MYO1E: variants seen among roughly 807,000 people sequenced by gnomAD.
MYO1E encodes the protein unconventional myosin-Ie.
MYO1E carries 68 observed loss-of-function variants against 151.1 expected under a neutral mutation model. The ratio of observed to expected loss-of-function variants is 0.45; its 90% CI spans 0.37 to 0.55. The LOEUF is 0.55. Among genes scored for constraint, MYO1E ranks in the 20% least tolerant of loss-of-function variants. The pLI, the probability that MYO1E is intolerant of heterozygous loss-of-function variation, is 0.00. For missense variants in MYO1E, 1,363 were observed against 1,389.3 expected (o/e 0.98, Z 0.30); for synonymous variants, 601 against 501.7 (o/e 1.20, Z -2.64).
intron 1 of MYO1E, among the ~76,000 whole-genome samples, chr15:59,318,886 T>C (rs1361217894): frequency 1.3e-5 from 2 of 152,102 alleles, no homozygotes; most frequent in Non-Finnish European, 2.9e-5. Context: ...CAGGTCTATC[T>C]GACTTCCTGT....
chr15:59,242,220 G>A (rs1205284345), intron 4 of MYO1E, among the ~76,000 whole-genome samples: 1 of 152,136 alleles, frequency 6.6e-6, no homozygotes, highest in Non-Finnish European at 1.5e-5. Flanking sequence ...CACACTTTTT[G>A]TTGGTCTCTG....
intron 4 of MYO1E, among the ~76,000 whole-genome samples, chr15:59,253,362 AT>A (rs1348171042): frequency 6.6e-6 from 1 of 152,190 alleles, no homozygotes; most frequent in African/African-American, 2.4e-5. Flanking sequence ...CTCTGAAATG[AT>A]TTATAACAGA....
intron 1 of MYO1E, among the ~76,000 whole-genome samples, chr15:59,342,343 A>AT (rs567068526): frequency 1.3e-5 from 2 of 152,024 alleles, no homozygotes; most frequent in South Asian, 4.2e-4. Flanking sequence ...CATTTTGTTG[A>AT]TTTTTTCTTT....
intron 17 of MYO1E, among the ~76,000 whole-genome samples, chr15:59,189,443 A>G (rs2079719731): frequency 6.6e-6 from 1 of 151,292 alleles, no homozygotes. Context: ...CTTTCGAGAC[A>G]GAGTCTCGCT....
chr15:59,275,230 C>G (rs963026831), intron 1 of MYO1E, among the ~76,000 whole-genome samples: 1 of 152,224 alleles, frequency 6.6e-6, no homozygotes, highest in African/African-American at 2.4e-5. Flanking sequence ...AATGGAATGA[C>G]AGACTGTCTC....
In MYO1E at chr15:59,135,737, G is replaced by GGACTT. The variant is rs1242436917; in HGVS notation, c.*1638_*1642dup. On this transcript the variant is annotated 3_prime_UTR_variant, in exon 28 of 28. Transcript: ENST00000288235. ...GTAAGCCCTGATAATTTTTTCCCAT[G>GGACTT]GACTTGAGGATCCTGAAAGCCTCAA... The GGACTT allele has an allele frequency of 1.3e-5, 2 of 151,968 alleles. No homozygotes were observed. Among genetic ancestry groups the GGACTT allele is most frequent in the African/African-American group, 4.8e-5 (2 of 41,358 alleles). The allele number at this position is 151,968 out of a possible 1,614,324, so 9.4% of individuals were successfully genotyped here. A position where few individuals can be genotyped will look rare whatever the true frequency, so the allele number is the denominator to read the frequency against.
At chr15:59,238,159 A>T (rs1200634155) in intron 4 of MYO1E, among the ~76,000 whole-genome samples, 1 of 152,214 alleles carries the variant, frequency 6.6e-6, no homozygotes, top group Non-Finnish European at 1.5e-5. Context: ...ACTCACAGGC[A>T]GCAACTAGGT....
At chr15:59,328,863 T>C (rs1167060305) in intron 1 of MYO1E, among the ~76,000 whole-genome samples, 1 of 152,154 alleles carries the variant, frequency 6.6e-6, no homozygotes, top group Admixed American at 6.5e-5. Flanking sequence ...GGCAGGGGTG[T>C]GTTACCCTCT....
At chr15:59,322,792 C>G (rs1341669277) in intron 1 of MYO1E, among the ~76,000 whole-genome samples, 3 of 152,048 alleles carry the variant, frequency 2.0e-5, no homozygotes, top group African/African-American at 4.8e-5. Flanking sequence ...ATATCTTAAA[C>G]CAGAATATGT....
In MYO1E at chr15:59,153,752, G is replaced by A. The variant is rs2079495011; in HGVS notation, c.2918C>T (p.Pro973Leu). Residue 973 changes from proline to leucine, a missense_variant, in exon 26 of 28, where the codon CCA (proline) becomes CTA (leucine). Coordinates refer to ENST00000288235, the MANE Select transcript of MYO1E (RefSeq NM_004998.4). ...CTGGCTTCCAGGAGCATGGGGATAT[G>A]GCACATACTGGTTTCTGATGACTCC... ...QNGVIRNQYVPYPHAPGSQRS... is the reference protein window; with the variant it reads ...QNGVIRNQYVLYPHAPGSQRS... 6.2e-7 allele frequency: 1 copy of A among 1,613,986 alleles called. No individual in the cohort carries two copies. Among genetic ancestry groups the A allele is most frequent in the African/African-American group, 1.3e-5 (1 of 74,934 alleles).
Position 59,161,202 on chromosome 15 carries a change from A to C in MYO1E, c.2656T>G (p.Trp886Gly). 6.2e-7 allele frequency: 1 copy of C among 1,613,932 alleles called. No individual in the cohort carries two copies. Among genetic ancestry groups the C allele is most frequent in the Non-Finnish European group, 8.5e-7 (1 of 1,179,874 alleles). ...GAGCCCCCTGCACTCCAGGGGCCCCAGTTTTCCTTTTTCAACTTCAGTTCA... is the reference window on the plus strand; with the variant it reads ...GAGCCCCCTGCACTCCAGGGGCCCCCGTTTTCCTTTTTCAACTTCAGTTCA... ...TLELKLKKENWGPWSAGGSRQ... is the reference protein window; with the variant it reads ...TLELKLKKENGGPWSAGGSRQ... Residue 886 changes from tryptophan to glycine, a missense_variant, in exon 24 of 28, where the codon TGG becomes GGG. Transcript: ENST00000288235.
At chr15:59,323,192 G>A (rs1055999415) in intron 1 of MYO1E, among the ~76,000 whole-genome samples, 3 of 143,978 alleles carry the variant, frequency 2.1e-5, no homozygotes, top group Non-Finnish European at 3.0e-5. Context: ...AAAAAAAAAG[G>A]TGCCTTTTGA....
intron 1 of MYO1E, among the ~76,000 whole-genome samples, chr15:59,314,923 G>C (rs1178124692): frequency 1.3e-5 from 2 of 152,150 alleles, no homozygotes; most frequent in Non-Finnish European, 2.9e-5. Context: ...GTGGCAGGAG[G>C]AATGAGGCCT....
At chr15:59,332,127 C>T (rs532313773) in intron 1 of MYO1E, among the ~76,000 whole-genome samples, 1 of 152,308 alleles carries the variant, frequency 6.6e-6, no homozygotes, top group African/African-American at 2.4e-5. Flanking sequence ...CATTTTGTGT[C>T]CTAAAACAAC....
At chr15:59,346,621 ATAAACT>A (rs2080795592) in intron 1 of MYO1E, among the ~76,000 whole-genome samples, 10 of 152,308 alleles carry the variant, frequency 6.6e-5, no homozygotes, top group Admixed American at 6.5e-4. Flanking sequence ...AATGCCAGTA[ATAAACT>A]TAAGAAATGG....
intron 1 of MYO1E, among the ~76,000 whole-genome samples, chr15:59,335,264 T>C (rs547652479): frequency 7.0e-4 from 106 of 152,350 alleles, no homozygotes; most frequent in African/African-American, 2.5e-3. Context: ...TTGGTGGATA[T>C]ATGTACTATC....
intron 9 of MYO1E, 178 bp from the exon 10 acceptor site, chr15:59,218,265 T>A (rs753804505): frequency 1.4e-6 from 1 of 730,502 alleles, no homozygotes; most frequent in South Asian, 1.5e-5. Context: ...CCCATACACA[T>A]CCATCTCCTT....
chr15:59,196,714 C>G (rs2079768329), intron 16 of MYO1E, among the ~76,000 whole-genome samples: 1 of 152,134 alleles, frequency 6.6e-6, no homozygotes, highest in Admixed American at 6.5e-5. Context: ...AAATAGCATT[C>G]TTTGCGATGC....
At chr15:59,191,336 G>GAC (rs1320540933) in intron 17 of MYO1E, among the ~76,000 whole-genome samples, 4 of 84,264 alleles carry the variant, frequency 4.7e-5, no homozygotes, top group Non-Finnish European at 9.4e-5. Context: ...CAGAGACAGA[G>GAC]AGAGAGAGAG....
Sources: allele counts gnomAD v4.1 joint callset (sites outside exome capture counted in the v4.1 genomes callset), GRCh38; gene constraint gnomAD v4.1.1; transcripts MANE v1.5; gene names NCBI Gene and HGNC (gene_info 2026-07-23, HGNC 2026-07-21).